Variants in NCBP1 observed in about 807,000 individuals in gnomAD.
NCBP1 encodes the protein nuclear cap-binding protein subunit 1.
In NCBP1, 16 loss-of-function variants were observed where a neutral mutation model predicts 111.7. That is an observed-to-expected ratio of 0.14 (90% confidence interval 0.10 to 0.22). The LOEUF (loss-of-function observed/expected upper bound fraction) is 0.22. NCBP1 is among the 10% of genes least tolerant of loss of function. The pLI is 1.00. For synonymous variants in NCBP1, 304 were observed against 314.3 expected (o/e 0.97, Z 0.35); for missense variants, 607 against 957.5 (o/e 0.63, Z 4.83).
At chr9:97,667,595 A>C (rs559973591) in intron 20 of NCBP1, among the ~76,000 whole-genome samples, 1 of 152,328 alleles carries the variant, frequency 6.6e-6, no homozygotes, top group African/African-American at 2.4e-5. Flanking sequence ...GAAGTTAAGT[A>C]ACATAGCTAG....
intron 12 of NCBP1, 138 bp from the exon 13 acceptor site, chr9:97,655,564 C>A (rs753292986): frequency 9.0e-5 from 54 of 596,806 alleles, no homozygotes; most frequent in Non-Finnish European, 1.5e-4. Flanking sequence ...GCAGAAGATA[C>A]AACTGCATGT....
rs1032472577 is a variant in NCBP1 at position 97,671,549 on chromosome 9, A to C, written c.*350A>C. 1.3e-3 allele frequency: 217 copies of C among 165,064 alleles called. 1 individual carries two copies. The highest frequency in any genetic ancestry group is 2.3e-4 in the Non-Finnish European group (18 of 76,834). 10.2% of individuals were successfully genotyped at this position (165,064 alleles called of 1,614,324 possible). On this transcript the variant is annotated 3_prime_UTR_variant, in exon 23 of 23. Coordinates refer to ENST00000375147, the MANE Select transcript of NCBP1 (RefSeq NM_002486.5). Reference sequence around the variant, plus strand: ...CATAGTATATAGAACTGATGGGTTTACCCAGCTACCCAGTAGCATAACTTT... The same window carrying C: ...CATAGTATATAGAACTGATGGGTTTCCCCAGCTACCCAGTAGCATAACTTT...
intron 6 of NCBP1, among the ~76,000 whole-genome samples, chr9:97,646,868 G>A (rs1344051140): frequency 1.4e-5 from 2 of 143,168 alleles, no homozygotes; most frequent in African/African-American, 2.5e-5. Flanking sequence ...AAAAAGAATC[G>A]TGTGTGTGTG....
intron 1 of NCBP1, chr9:97,635,752 A>C (rs1390272058): frequency 6.6e-6 from 1 of 152,086 alleles, no homozygotes; most frequent in African/African-American, 2.4e-5. Flanking sequence ...TTTGTAATTG[A>C]CTAGTCAAAA....
intron 21 of NCBP1, among the ~76,000 whole-genome samples, chr9:97,669,184 G>A (rs550489318): frequency 1.3e-5 from 2 of 149,426 alleles, no homozygotes; most frequent in African/African-American, 2.5e-5. Flanking sequence ...TAGTATTCTC[G>A]CATGAGCATT....
chr9:97,665,506 C>A (rs1418663752), intron 19 of NCBP1, among the ~76,000 whole-genome samples: 2 of 152,152 alleles, frequency 1.3e-5, no homozygotes. Context: ...CTCAACAGCT[C>A]CATCTGTTCT....
Position 97,670,197 on chromosome 9 carries a change from C to T in NCBP1, c.2259+491C>T, listed in dbSNP as rs558149041. The T allele has an allele frequency of 1.3e-4, 27 of 205,228 alleles. No individual in the cohort carries two copies. The East Asian group carries it at 2.5e-3, about 19-fold the overall frequency. The allele number at this position is 205,228 out of a possible 1,614,324, so 12.7% of individuals were successfully genotyped here. On this transcript the variant is annotated intron_variant, in intron 22 of 22. Coordinates refer to ENST00000375147, the MANE Select transcript of NCBP1 (RefSeq NM_002486.5). ...CCCAAAGTGCTGCTGGGATTATAGG[C>T]GTGAGCCACGGTGCCCAGTCTCCTA...
At chr9:97,641,990 G>A (rs1328789180) in intron 3 of NCBP1, among the ~76,000 whole-genome samples, 1 of 151,962 alleles carries the variant, frequency 6.6e-6, no homozygotes, top group East Asian at 1.9e-4. Context: ...TTTTAAATTA[G>A]TACCAGACAA....
intron 18 of NCBP1, among the ~76,000 whole-genome samples, chr9:97,663,547 C>T (rs1326457090): frequency 6.6e-6 from 1 of 151,886 alleles, no homozygotes; most frequent in African/African-American, 2.4e-5. Flanking sequence ...TGCAGTGGCG[C>T]AATCTTGGCT....
chr9:97,670,786 G>A (rs573447332), intron 22 of NCBP1, among the ~76,000 whole-genome samples: 4 of 152,310 alleles, frequency 2.6e-5, no homozygotes, highest in East Asian at 1.9e-4. Context: ...AGCCTAGTCC[G>A]TAATAGTACT....
rs370212584 is a variant in NCBP1, at chr9:97,657,168, G to A, written c.1373+1083G>A. ...GTTTTAGTAGAGACGGGGTTTCACT[G>A]TGTTAGCTGGGATGATCTCGATCTC... On this transcript the variant is annotated intron_variant, in intron 14 of 22. Transcript: ENST00000375147. 4.6e-5 allele frequency among the ~76,000 whole-genome samples: 7 copies of A among 152,156 alleles called. No homozygotes were observed. The East Asian group carries it at 5.8e-4, about 13-fold the overall frequency.
intron 1 of NCBP1, chr9:97,634,396 C>G (rs1410639045): frequency 6.4e-6 from 1 of 156,872 alleles, no homozygotes; most frequent in Non-Finnish European, 1.4e-5. Flanking sequence ...GTTGATTTCA[C>G]TTCTTTCAAG....
chr9:97,664,461 A>G lies in NCBP1; in HGVS notation c.1901+18A>G. 2 of 1,525,976 alleles carry G rather than the reference A, an allele frequency of 1.3e-6. No homozygotes were observed. The highest frequency in any genetic ancestry group is 9.1e-7 in the Non-Finnish European group (1 of 1,102,362). 94.5% of individuals were successfully genotyped at this position (1,525,976 alleles called of 1,614,324 possible). On this transcript the variant is annotated intron_variant, in intron 19 of 22. Coordinates refer to ENST00000375147, the MANE Select transcript of NCBP1 (RefSeq NM_002486.5). ...TTTACCAGGTAATATAAATTATTTT[A>G]TGAAACTTGTGTTCCCTAAGAATTG... is the stretch of plus-strand genomic sequence containing the variant.
Position 97,655,744 on chromosome 9 carries a change from C to T in NCBP1, c.1278C>T (p.Phe426=), listed in dbSNP as rs1827633630. 1 of 1,612,764 alleles carries T rather than the reference C, an allele frequency of 6.2e-7. No homozygotes were observed. The highest frequency in any genetic ancestry group is 1.3e-5 in the African/African-American group (1 of 74,974). The change falls in exon 13 of 23, where the codon TTC becomes TTT. Residue 426 remains phenylalanine (F), a synonymous_variant. Coordinates refer to ENST00000375147, the MANE Select transcript of NCBP1 (RefSeq NM_002486.5). ...CTCATCATCTAAGTAACTTCCAGTT[C>T]CGTTGGAGCTGGGAAGATTGGTAAG... ...WFSHHLSNFQ[F]RWSWEDWSDC... is the part of the protein sequence containing the mutation.
At position 97,671,287 on chromosome 9, in the gene NCBP1, G is replaced by C. The variant is rs898411941; in HGVS notation, c.*88G>C. On this transcript the variant is annotated 3_prime_UTR_variant, in exon 23 of 23. Coordinates refer to ENST00000375147, the MANE Select transcript of NCBP1 (RefSeq NM_002486.5). Reference sequence around the variant, plus strand: ...TGATGGTTTGAATGCTTGCTTTCTTGTAGTATCCTTTCACTTCTTAAAGGA... The same window carrying C: ...TGATGGTTTGAATGCTTGCTTTCTTCTAGTATCCTTTCACTTCTTAAAGGA... 1.1e-6 allele frequency: 1 copy of C among 942,144 alleles called. No individual in the cohort carries two copies. Among genetic ancestry groups the C allele is most frequent in the Non-Finnish European group, 1.6e-6 (1 of 616,674 alleles). The allele number at this position is 942,144 out of a possible 1,614,324, so 58.4% of individuals were successfully genotyped here.
At chr9:97,640,656 A>C in intron 1 of NCBP1, 138 bp from the exon 2 acceptor site, 1 of 617,730 alleles carries the variant, frequency 1.6e-6, no homozygotes, top group South Asian at 2.2e-5. Context: ...AGTCTGAGAA[A>C]TGGAGGGTCT....
chr9:97,638,053 T>TA (rs1335793316), intron 1 of NCBP1, among the ~76,000 whole-genome samples: 3 of 152,226 alleles, frequency 2.0e-5, no homozygotes, highest in African/African-American at 7.2e-5. Context: ...CTACCATAGA[T>TA]ACGTTTTCTT....
Position 97,653,887 on chromosome 9 carries a change from A to G in NCBP1, c.1149A>G (p.Gln383=), listed in dbSNP as rs114041785. ...TCCTCATTGAACTGTGCAAACTTCA[A>G]CCTGGCTCTCTACCCCAAGTTGTAT... ...TTLLIELCKL[Q]PGSLPQVLAQ... Residue 383 remains glutamine (Q), a synonymous_variant, in exon 11 of 23, where the codon CAA becomes CAG. Transcript: ENST00000375147. 1.4e-3 allele frequency: 2,217 copies of G among 1,613,176 alleles called. 21 individuals carry two copies. The African/African-American group carries it at 0.024, about 18-fold the overall frequency.
At chr9:97,648,953 C>T (rs551194515) in intron 8 of NCBP1, among the ~76,000 whole-genome samples, 3 of 152,226 alleles carry the variant, frequency 2.0e-5, no homozygotes, top group Admixed American at 6.5e-5. Flanking sequence ...TCGTCCGCTT[C>T]GTTTTCCCAA....
Sources: gnomAD v4.1 joint callset for allele counts (sites outside exome capture counted in the v4.1 genomes callset) on GRCh38, gnomAD v4.1.1 for gene constraint, MANE v1.5 for transcripts, NCBI Gene and HGNC (gene_info 2026-07-23, HGNC 2026-07-21) for gene names.